The following SPATS2L variants were observed in gnomAD, a reference collection of about 807,000 sequenced individuals.
The protein encoded by SPATS2L is SPATS2-like protein.
In SPATS2L, 30 loss-of-function variants were observed where a neutral mutation model predicts 59.6. The ratio of observed to expected loss-of-function variants is 0.50; its 90% confidence interval spans 0.38 to 0.68. SPATS2L has a LOEUF of 0.68. Among genes scored for constraint, SPATS2L ranks in the 30% least tolerant of loss-of-function variants. The pLI is 0.00. For synonymous variants in SPATS2L, 252 were observed against 263.5 expected (o/e 0.96, Z 0.42); for missense variants, 615 against 700.0 (o/e 0.88, Z 1.37).
At chr2:200,318,055 G>A (rs1028156923) in intron 1 of SPATS2L, among the ~76,000 whole-genome samples, 6 of 152,174 alleles carry the variant, frequency 3.9e-5, no homozygotes, top group South Asian at 2.1e-4. Flanking sequence ...TGACTTTCAC[G>A]TATTGTAGTG....
chr2:200,399,703 A>T (rs972842770), intron 3 of SPATS2L, among the ~76,000 whole-genome samples: 1 of 152,190 alleles, frequency 6.6e-6, no homozygotes, highest in African/African-American at 2.4e-5. Flanking sequence ...ATGAAAAATG[A>T]TATGTAGGTG....
chr2:200,351,654 G>A (rs2080732534), intron 2 of SPATS2L, among the ~76,000 whole-genome samples: 2 of 152,062 alleles, frequency 1.3e-5, no homozygotes, highest in Non-Finnish European at 2.9e-5. Context: ...CTGAAGGATG[G>A]GGCATAAAAA....
At chr2:200,331,171 G>C (rs535989865) in intron 2 of SPATS2L, among the ~76,000 whole-genome samples, 1 of 152,342 alleles carries the variant, frequency 6.6e-6, no homozygotes, top group East Asian at 1.9e-4. Flanking sequence ...CAATTATGAA[G>C]AGGCCTGTCC....
intron 3 of SPATS2L, among the ~76,000 whole-genome samples, chr2:200,392,506 T>G (rs1455157538): frequency 6.6e-6 from 1 of 152,206 alleles, no homozygotes; most frequent in East Asian, 1.9e-4. Flanking sequence ...CTGAGTTCTG[T>G]GAGCCACTCT....
At chr2:200,344,004 C>A (rs1467819335) in intron 2 of SPATS2L, among the ~76,000 whole-genome samples, 3 of 151,394 alleles carry the variant, frequency 2.0e-5, no homozygotes, top group African/African-American at 4.9e-5. Flanking sequence ...ACATATACTG[C>A]TTTCATAATA....
chr2:200,426,861 G>A (rs2083612320), intron 6 of SPATS2L, among the ~76,000 whole-genome samples: 1 of 152,006 alleles, frequency 6.6e-6, no homozygotes, highest in South Asian at 2.1e-4. Context: ...AAGTAACTTG[G>A]TATCTTAGAT....
chr2:200,330,233 A>G (rs968697449), intron 2 of SPATS2L, among the ~76,000 whole-genome samples: 3 of 39,892 alleles, frequency 7.5e-5, no homozygotes, highest in Admixed American at 4.5e-4. Context: ...TCCTTGGTCC[A>G]GACCCTGTTA....
chr2:200,444,708 C>T (rs1331110812), intron 8 of SPATS2L, among the ~76,000 whole-genome samples: 1 of 152,098 alleles, frequency 6.6e-6, no homozygotes, highest in Non-Finnish European at 1.5e-5. Context: ...TCAGGAGTCT[C>T]AGCTCCCCGC....
intron 3 of SPATS2L, among the ~76,000 whole-genome samples, chr2:200,409,323 G>C (rs1006487515): frequency 6.6e-6 from 1 of 152,016 alleles, no homozygotes; most frequent in African/African-American, 2.4e-5. Flanking sequence ...ACTCTTCCTT[G>C]GTCATCCATG....
At chr2:200,415,419 A>G (rs2083021698) in intron 4 of SPATS2L, among the ~76,000 whole-genome samples, 1 of 152,190 alleles carries the variant, frequency 6.6e-6, no homozygotes. Context: ...TTAGAGAGCT[A>G]TTAGTATATT....
intron 8 of SPATS2L, among the ~76,000 whole-genome samples, chr2:200,450,709 A>G (rs919718544): frequency 2.0e-5 from 3 of 152,184 alleles, no homozygotes; most frequent in African/African-American, 7.2e-5. Flanking sequence ...GTACAAATGT[A>G]GGTGGTCTGC....
At chr2:200,393,313 CAG>C (rs1391275144) in intron 3 of SPATS2L, 3 of 456,638 alleles carry the variant, frequency 6.6e-6, no homozygotes, top group African/African-American at 6.0e-5. Context: ...TTATTCAAAA[CAG>C]AGGTGGCATC....
intron 11 of SPATS2L, among the ~76,000 whole-genome samples, chr2:200,471,563 C>A (rs2087041941): frequency 6.6e-6 from 1 of 152,172 alleles, no homozygotes; most frequent in African/African-American, 2.4e-5. Flanking sequence ...ATCCAAAGGC[C>A]CTTCCTTCTC....
intron 6 of SPATS2L, among the ~76,000 whole-genome samples, chr2:200,427,257 G>T (rs1466773133): frequency 1.3e-5 from 2 of 151,906 alleles, no homozygotes; most frequent in Non-Finnish European, 2.9e-5. Context: ...TGGAAACTCT[G>T]TTTCCTCTGA....
At chr2:200,351,281 C>T (rs1043181186) in intron 2 of SPATS2L, 7 of 471,436 alleles carry the variant, frequency 1.5e-5, no homozygotes, top group African/African-American at 1.4e-4. Flanking sequence ...GCAAGCTTTT[C>T]TCCAAGCATG....
chr2:200,385,833 C>T (rs1271453044), intron 2 of SPATS2L, among the ~76,000 whole-genome samples: 1 of 152,072 alleles, frequency 6.6e-6, no homozygotes, highest in African/African-American at 2.4e-5. Flanking sequence ...GCTGGGACTA[C>T]AGGCGCCCGC....
In SPATS2L at chr2:200,481,541, T is replaced by TCCTC. The variant is rs943006141; in HGVS notation, c.*3522_*3525dup. The TCCTC allele has an allele frequency of 2.6e-5, 4 of 152,384 alleles. No homozygotes were observed. The highest frequency in any genetic ancestry group is 9.6e-5 in the African/African-American group (4 of 41,560). 9.4% of individuals were successfully genotyped at this position (152,384 alleles called of 1,614,324 possible). A position where few individuals can be genotyped will look rare whatever the true frequency, so the allele number is the denominator to read the frequency against. Reference sequence around the variant, plus strand: ...CAGGCTACCTTTGACAAAGCTTTCTTCCTCCCTCCCTCCCTTTGCACGCTG... The same window carrying TCCTC: ...CAGGCTACCTTTGACAAAGCTTTCTTCCTCCCTCCCTCCCTCCCTTTGCACGCTG... On this transcript the variant is annotated 3_prime_UTR_variant, in exon 13 of 13. Transcript: ENST00000409140.
upstream of SPATS2L, chr2:200,306,616 G>C (rs1309319306): frequency 1.0e-6 from 1 of 995,640 alleles, no homozygotes; most frequent in African/African-American, 1.8e-5. Flanking sequence ...GTGACACCGA[G>C]GGGAAGGCGG....
chr2:200,400,186 ATAAAT>A (rs1352745215), intron 3 of SPATS2L, among the ~76,000 whole-genome samples: 2 of 152,216 alleles, frequency 1.3e-5, no homozygotes, highest in African/African-American at 2.4e-5. Context: ...GTCCTCAGTA[ATAAAT>A]TAAAGTATAG....
Sources: allele counts gnomAD v4.1 joint callset (sites outside exome capture counted in the v4.1 genomes callset), GRCh38; gene constraint gnomAD v4.1.1; transcripts MANE v1.5; gene names NCBI Gene and HGNC (gene_info 2026-07-23, HGNC 2026-07-21).